FTO: variants seen among roughly 807,000 people sequenced by gnomAD.
The protein encoded by FTO is FTO alpha-ketoglutarate dependent dioxygenase, also known as alpha-ketoglutarate-dependent dioxygenase FTO.
Under a neutral mutation model 63.9 loss-of-function variants are expected in FTO, and 47 were observed. That is an observed-to-expected ratio of 0.74 (90% CI 0.58 to 0.94). FTO has a LOEUF of 0.94. Among genes scored for constraint, FTO ranks in the 40% least tolerant of loss-of-function variants. The pLI is 0.00. For synonymous variants in FTO, 207 were observed against 224.4 expected (o/e 0.92, Z 0.69); for missense variants, 562 against 618.1 (o/e 0.91, Z 0.96).
intron 7 of FTO, among the ~76,000 whole-genome samples, chr16:53,921,629 C>G (rs564234869): frequency 6.6e-6 from 1 of 152,182 alleles, no homozygotes; most frequent in South Asian, 2.1e-4. Flanking sequence ...AAAGATAAGG[C>G]AAGGCACCGT....
chr16:53,982,056 G>T (rs2083557583), intron 8 of FTO: 1 of 152,120 alleles, frequency 6.6e-6, no homozygotes, highest in Admixed American at 6.5e-5. Context: ...CTCCAGCCTG[G>T]GCGACAGAGC....
intron 8 of FTO, among the ~76,000 whole-genome samples, chr16:54,075,523 C>A (rs1324791462): frequency 6.6e-6 from 1 of 152,112 alleles, no homozygotes; most frequent in Middle Eastern, 3.2e-3. Context: ...AATTGTCAAA[C>A]AAAGGATTAG....
chr16:54,092,024 C>T (rs952455573), intron 8 of FTO, among the ~76,000 whole-genome samples: 2 of 152,218 alleles, frequency 1.3e-5, no homozygotes, highest in Non-Finnish European at 1.5e-5. Flanking sequence ...TGCCTGTAAT[C>T]CCAGCACTTT....
chr16:53,913,459 G>A (rs2081767863), intron 7 of FTO, among the ~76,000 whole-genome samples: 1 of 152,226 alleles, frequency 6.6e-6, no homozygotes, highest in Non-Finnish European at 1.5e-5. Context: ...TAGAAATGCT[G>A]TAAATCTTGC....
intron 1 of FTO, among the ~76,000 whole-genome samples, chr16:53,719,116 G>A (rs1472848037): frequency 2.0e-5 from 3 of 152,202 alleles, no homozygotes; most frequent in East Asian, 1.9e-4. Flanking sequence ...ATTTGGTATC[G>A]TATTATGCTA....
intron 1 of FTO, among the ~76,000 whole-genome samples, chr16:53,733,179 C>T (rs2076312482): frequency 6.6e-6 from 1 of 152,188 alleles, no homozygotes; most frequent in African/African-American, 2.4e-5. Context: ...GCGGGAGGAT[C>T]ACCTGAGGTC....
At chr16:54,019,364 G>T (rs1567520701) in intron 8 of FTO, among the ~76,000 whole-genome samples, 1 of 152,210 alleles carries the variant, frequency 6.6e-6, no homozygotes, top group African/African-American at 2.4e-5. Flanking sequence ...GGGAATGGTT[G>T]TTGAGGCACC....
chr16:53,780,159 T>A (rs1255088294), intron 1 of FTO, among the ~76,000 whole-genome samples: 1 of 152,184 alleles, frequency 6.6e-6, no homozygotes, highest in Non-Finnish European at 1.5e-5. Context: ...CAACCTGGGT[T>A]CTATAGCTCT....
intron 4 of FTO, among the ~76,000 whole-genome samples, chr16:53,862,703 T>A (rs2080210846): frequency 6.7e-6 from 1 of 149,294 alleles, no homozygotes; most frequent in African/African-American, 2.5e-5. Context: ...ACCCAGCTAA[T>A]TTTTTTTTTG....
intron 3 of FTO, among the ~76,000 whole-genome samples, chr16:53,830,931 C>T (rs1415080679): frequency 2.6e-5 from 4 of 152,014 alleles, no homozygotes; most frequent in Non-Finnish European, 5.9e-5. Context: ...ATCCAAAACC[C>T]AGGAAGGCTC....
At position 53,866,320 on chromosome 16, in the gene FTO, T is replaced by C. The variant is rs2080312372; in HGVS notation, c.896-7466T>C. ...TAATATTTTGATGTGGATTTTTGCATCTATGCTTATGAGAGAATACTGGTC... is the reference window on the plus strand; with the variant it reads ...TAATATTTTGATGTGGATTTTTGCACCTATGCTTATGAGAGAATACTGGTC... On this transcript the variant is annotated intron_variant, in intron 4 of 8. Coordinates refer to ENST00000471389, the MANE Select transcript of FTO (RefSeq NM_001080432.3). Among the ~76,000 whole-genome samples the C allele has an allele frequency of 2.0e-5, 3 of 152,316 alleles. No homozygotes were observed. In the South Asian group the frequency reaches 6.2e-4, roughly 32 times the overall value.
chr16:54,079,320 C>T (rs1599330126), intron 8 of FTO, among the ~76,000 whole-genome samples: 1 of 152,252 alleles, frequency 6.6e-6, no homozygotes, highest in East Asian at 1.9e-4. Context: ...AAGCTTGATT[C>T]TGAGCTTTAT....
At chr16:53,771,660 T>C (rs2077344479) in intron 1 of FTO, among the ~76,000 whole-genome samples, 1 of 152,130 alleles carries the variant, frequency 6.6e-6, no homozygotes, top group South Asian at 2.1e-4. Flanking sequence ...ACAAAACCTG[T>C]ACATGAATGT....
intron 2 of FTO, among the ~76,000 whole-genome samples, chr16:53,812,621 T>C (rs1346524110): frequency 2.6e-5 from 4 of 152,204 alleles, no homozygotes; most frequent in Non-Finnish European, 1.5e-5. Flanking sequence ...TTTGCTTCAA[T>C]GCATGCACCC....
chr16:54,018,808 T>A (rs1291184353), intron 8 of FTO, among the ~76,000 whole-genome samples: 1 of 152,166 alleles, frequency 6.6e-6, no homozygotes, highest in Non-Finnish European at 1.5e-5. Flanking sequence ...TGGAACTGAG[T>A]CAATTAAACC....
intron 8 of FTO, among the ~76,000 whole-genome samples, chr16:53,970,908 G>C (rs1393978246): frequency 1.3e-5 from 2 of 152,210 alleles, no homozygotes; most frequent in African/African-American, 2.4e-5. Flanking sequence ...CAGAACATAA[G>C]TGGGAATATT....
chr16:53,876,587 A>G (rs1459593623), intron 5 of FTO, among the ~76,000 whole-genome samples: 6 of 152,212 alleles, frequency 3.9e-5, no homozygotes, highest in Non-Finnish European at 7.4e-5. Context: ...GAACTCAATA[A>G]TTCAAAAGAG....
intron 8 of FTO, among the ~76,000 whole-genome samples, chr16:54,034,728 A>G (rs193055161): frequency 1.3e-5 from 2 of 152,340 alleles, no homozygotes; most frequent in Non-Finnish European, 2.9e-5. Context: ...ACTTTCCTAC[A>G]ATCATATTTC....
At chr16:53,940,876 C>A (rs944421815) in intron 8 of FTO, among the ~76,000 whole-genome samples, 1 of 122,352 alleles carries the variant, frequency 8.2e-6, no homozygotes, top group African/African-American at 2.5e-5. Context: ...TCTTTCTATT[C>A]TCTGTGACCC....
Sources: allele counts gnomAD v4.1 joint callset (sites outside exome capture counted in the v4.1 genomes callset), GRCh38; gene constraint gnomAD v4.1.1; transcripts MANE v1.5; gene names NCBI Gene and HGNC (gene_info 2026-07-23, HGNC 2026-07-21).